The following ERC2 variants were observed in gnomAD, a reference collection of about 807,000 sequenced individuals.
ERC2 encodes ELKS/RAB6-interacting/CAST family member 2.
ERC2 carries 42 observed loss-of-function variants against 114.8 expected under a neutral mutation model. The ratio of observed to expected loss-of-function variants is 0.37; its 90% CI spans 0.29 to 0.47. The LOEUF (loss-of-function observed/expected upper bound fraction) is 0.47, where lower values mean the gene tolerates loss of function less well. Among genes scored for constraint, ERC2 ranks in the 20% least tolerant of loss-of-function variants. The pLI, the probability that ERC2 is intolerant of heterozygous loss-of-function variation, is 0.99. For missense variants in ERC2, 939 were observed against 1,150.7 expected, an observed-to-expected ratio of 0.82 and a Z score of 2.66; for synonymous variants, 454 against 425.5, an observed-to-expected ratio of 1.07 and a Z score of -0.82.
At chr3:55,833,722 T>A (rs973689213) in intron 14 of ERC2, among the ~76,000 whole-genome samples, 2 of 152,130 alleles carry the variant, frequency 1.3e-5, no homozygotes, top group Non-Finnish European at 2.9e-5. Context: ...AATCACCAGC[T>A]AACATCATAA....
chr3:55,674,619 GAT>G (rs1456076797), intron 17 of ERC2, among the ~76,000 whole-genome samples: 2 of 152,222 alleles, frequency 1.3e-5, no homozygotes, highest in African/African-American at 4.8e-5. Flanking sequence ...GATGGACAAA[GAT>G]ACAATGTGCA....
chr3:55,844,771 T>G (rs2149223267), intron 14 of ERC2, among the ~76,000 whole-genome samples: 1 of 152,364 alleles, frequency 6.6e-6, no homozygotes, highest in African/African-American at 2.4e-5. Flanking sequence ...GTGAAAAGAT[T>G]GCTACTACCC....
At chr3:55,696,980 AC>A (rs2062965945) in intron 16 of ERC2, among the ~76,000 whole-genome samples, 1 of 152,164 alleles carries the variant, frequency 6.6e-6, no homozygotes, top group Non-Finnish European at 1.5e-5. Context: ...TTTCACAGTG[AC>A]CCCCACTGCA....
In ERC2 at chr3:55,699,621, G is replaced by A. The variant is rs1437963615; in HGVS notation, c.2713-109C>T. 2.4e-6 allele frequency: 3 copies of A among 1,237,220 alleles called. No homozygotes were observed. The East Asian group carries it at 7.6e-5, about 31-fold the overall frequency. The allele number at this position is 1,237,220 out of a possible 1,614,324, so 76.6% of individuals were successfully genotyped here. A position where few individuals can be genotyped will look rare whatever the true frequency, so the allele number is the denominator to read the frequency against. On this transcript the variant is annotated intron_variant, in intron 15 of 17. Coordinates refer to ENST00000288221, the MANE Select transcript of ERC2 (RefSeq NM_015576.3). The stretch of plus-strand genomic sequence containing the variant: ...TAGGGATCCCTTTGTTCCTAATTCA[G>A]GAATTTTCACTGTTAGTCAAGTTGA...
chr3:56,254,819 C>T (rs1187714717), intron 3 of ERC2, among the ~76,000 whole-genome samples: 2 of 151,974 alleles, frequency 1.3e-5, no homozygotes, highest in African/African-American at 4.8e-5. Flanking sequence ...TACATACTTC[C>T]CAAATTAAGT....
intron 7 of ERC2, among the ~76,000 whole-genome samples, chr3:56,063,861 T>C (rs13093077): frequency 0.24 from 36,086 of 152,074 alleles, 5,231 homozygotes; most frequent in Admixed American, 0.32. Context: ...TATTGTAAAG[T>C]TTATTTCCAT....
intron 6 of ERC2, among the ~76,000 whole-genome samples, chr3:56,108,170 A>G (rs948190099): frequency 6.6e-6 from 1 of 152,222 alleles, no homozygotes; most frequent in Non-Finnish European, 1.5e-5. Flanking sequence ...ATATTAAAGT[A>G]TTATTTAGTA....
At chr3:56,416,261 C>T (rs542453549) in intron 2 of ERC2, among the ~76,000 whole-genome samples, 1 of 152,242 alleles carries the variant, frequency 6.6e-6, no homozygotes, top group Admixed American at 6.5e-5. Flanking sequence ...CTCTGACCAC[C>T]TCCTCCTGAG....
intron 7 of ERC2, among the ~76,000 whole-genome samples, chr3:56,024,356 CAACT>C (rs1424617988): frequency 2.0e-5 from 3 of 152,194 alleles, no homozygotes; most frequent in Non-Finnish European, 4.4e-5. Context: ...CCGCAGCACC[CAACT>C]GTGTTGGCAA....
At chr3:55,706,377 T>C (rs1424788895) in intron 15 of ERC2, among the ~76,000 whole-genome samples, 1 of 32,962 alleles carries the variant, frequency 3.0e-5, no homozygotes, top group Non-Finnish European at 1.0e-4. Context: ...TTTGTTTCTG[T>C]TTTTTTTTGT....
rs3052672 is a variant in ERC2 at position 56,049,818 on chromosome 3, A to ATGTGTGTG, written c.1642-30795_1642-30788dup. Among the ~76,000 whole-genome samples the ATGTGTGTG allele has an allele frequency of 2.8e-3, 412 of 145,314 alleles. 5 individuals are homozygous for ATGTGTGTG. The highest frequency in any genetic ancestry group is 9.7e-3 in the African/African-American group (377 of 38,922). ...GCTACTTAATAAACTCCCATCATAT[A>ATGTGTGTG]TGTGTGTGTGTGTGTGTGTGTGTGT... On this transcript the variant is annotated intron_variant, in intron 7 of 17. Coordinates refer to ENST00000288221, the MANE Select transcript of ERC2 (RefSeq NM_015576.3).
At chr3:55,712,008 C>T (rs62249281) in intron 15 of ERC2, among the ~76,000 whole-genome samples, 34,405 of 152,114 alleles carry the variant, frequency 0.23, 4,530 homozygotes, top group African/African-American at 0.33. Flanking sequence ...ACTCTTTAAT[C>T]TTCAAAAATA....
intron 14 of ERC2, among the ~76,000 whole-genome samples, chr3:55,736,710 A>G (rs1413539483): frequency 6.6e-6 from 1 of 152,156 alleles, no homozygotes. Flanking sequence ...ACTTTTAAAG[A>G]TATCACCAGA....
chr3:55,723,603 A>G (rs2064721334), intron 15 of ERC2, among the ~76,000 whole-genome samples: 1 of 152,214 alleles, frequency 6.6e-6, no homozygotes, highest in Non-Finnish European at 1.5e-5. Context: ...ATTAAAGGCA[A>G]ACTACTGGAA....
intron 17 of ERC2, among the ~76,000 whole-genome samples, chr3:55,644,713 T>A (rs774448662): frequency 6.6e-6 from 1 of 151,788 alleles, no homozygotes; most frequent in Non-Finnish European, 1.5e-5. Flanking sequence ...TTGGTGTAGA[T>A]TTGGGGTTAT....
intron 3 of ERC2, among the ~76,000 whole-genome samples, chr3:56,180,335 T>C (rs2150041977): frequency 6.6e-6 from 1 of 152,308 alleles, no homozygotes; most frequent in East Asian, 1.9e-4. Flanking sequence ...CAATCATTCA[T>C]CTTGTCAAAA....
At chr3:55,731,513 A>G (rs1009881136) in intron 15 of ERC2, among the ~76,000 whole-genome samples, 5 of 152,218 alleles carry the variant, frequency 3.3e-5, no homozygotes, top group African/African-American at 9.6e-5. Flanking sequence ...CAATTTACAG[A>G]TGAGGAAACT....
chr3:56,298,097 C>A (rs777464711), intron 2 of ERC2, among the ~76,000 whole-genome samples: 17 of 152,194 alleles, frequency 1.1e-4, no homozygotes, highest in Non-Finnish European at 2.1e-4. Flanking sequence ...GTGTAACATA[C>A]AAAGTTGTAC....
chr3:55,647,635 A>G (rs1371610233), intron 17 of ERC2, among the ~76,000 whole-genome samples: 2 of 152,238 alleles, frequency 1.3e-5, no homozygotes, highest in African/African-American at 2.4e-5. Flanking sequence ...GTAGACTTAA[A>G]TATAGCTTCA....
Sources: allele counts gnomAD v4.1 joint callset (sites outside exome capture counted in the v4.1 genomes callset), GRCh38; gene constraint gnomAD v4.1.1; transcripts MANE v1.5; gene names NCBI Gene and HGNC (gene_info 2026-07-23, HGNC 2026-07-21).